The following GRIN2A variants were observed in gnomAD, a reference collection of about 807,000 sequenced individuals.
GRIN2A encodes glutamate receptor ionotropic, NMDA 2A.
GRIN2A carries 22 observed loss-of-function variants against 113.4 expected under a neutral mutation model. The observed-to-expected ratio is 0.19, with a 90% CI of 0.14 to 0.28. The LOEUF is 0.28. GRIN2A is among the 10% of genes least tolerant of loss of function. GRIN2A has a pLI of 1.00. For synonymous variants in GRIN2A, 827 were observed against 738.4 expected (o/e 1.12, Z -1.94); for missense variants, 1,502 against 1,887.0 (o/e 0.80, Z 3.78).
At chr16:10,109,093 G>T (rs927169931) in intron 2 of GRIN2A, among the ~76,000 whole-genome samples, 3 of 147,008 alleles carry the variant, frequency 2.0e-5, no homozygotes, top group Non-Finnish European at 4.5e-5. Flanking sequence ...CAGAAATAAA[G>T]TCTGGTGCAT....
At chr16:9,824,776 A>G (rs1437441328) in intron 9 of GRIN2A, among the ~76,000 whole-genome samples, 1 of 152,120 alleles carries the variant, frequency 6.6e-6, no homozygotes, top group Admixed American at 6.6e-5. Flanking sequence ...CTCTGAGGTT[A>G]TCCATTATGT....
chr16:10,085,819 G>A (rs1233025235), intron 2 of GRIN2A, among the ~76,000 whole-genome samples: 1 of 152,196 alleles, frequency 6.6e-6, no homozygotes, highest in Non-Finnish European at 1.5e-5. Flanking sequence ...GATCCCCCTG[G>A]CCAAGAAGGG....
chr16:10,105,268 A>G (rs2048475784), intron 2 of GRIN2A, among the ~76,000 whole-genome samples: 1 of 152,154 alleles, frequency 6.6e-6, no homozygotes, highest in Non-Finnish European at 1.5e-5. Context: ...CCCAAAGAGG[A>G]AAATCCTTGC....
intron 2 of GRIN2A, among the ~76,000 whole-genome samples, chr16:10,149,104 G>C (rs763213811): frequency 6.6e-6 from 1 of 152,240 alleles, no homozygotes; most frequent in East Asian, 1.9e-4. Flanking sequence ...CAGGGAATAG[G>C]GATGGTTAAT....
intron 2 of GRIN2A, among the ~76,000 whole-genome samples, chr16:9,996,024 CAAAAAAAAAAAAAAA>C (rs57133009): frequency 3.3e-4 from 17 of 51,144 alleles, no homozygotes; most frequent in East Asian, 6.5e-4. Context: ...CAGAGGGTGG[CAAAAAAAAAAAAAAA>C]AAAAAAAAAA....
chr16:9,848,659 A>G (rs2141366060), intron 5 of GRIN2A, among the ~76,000 whole-genome samples: 1 of 146,046 alleles, frequency 6.8e-6, no homozygotes, highest in East Asian at 2.0e-4. Flanking sequence ...TATATTTAAT[A>G]CATAAAATAT....
At chr16:9,795,683 A>G (rs1219342300) in intron 11 of GRIN2A, among the ~76,000 whole-genome samples, 2 of 152,148 alleles carry the variant, frequency 1.3e-5, no homozygotes, top group African/African-American at 2.4e-5. Context: ...TGCACTTTAC[A>G]TGTATTCTCC....
chr16:10,080,528 C>CAGGCTAGGCTATTCTTGGA (rs2047958157), intron 2 of GRIN2A, among the ~76,000 whole-genome samples: 1 of 152,170 alleles, frequency 6.6e-6, no homozygotes, highest in Admixed American at 6.5e-5. Flanking sequence ...TTGGATCCCT[C>CAGGCTAGGCTATTCTTGGA]AGGCTAGGCT....
chr16:9,769,041 T>C lies in GRIN2A; in HGVS notation c.2405A>G (p.Asn802Ser), dbSNP rs1257824288. Residue 802 changes from asparagine (N) to serine (S), a missense_variant, in exon 12 of 13, where the codon AAC (asparagine) becomes AGC (serine). By Grantham distance (46) the Asn-to-Ser change is conservative. This residue lies in a region of GRIN2A where 101 missense variants were observed against 240.4 expected (regional missense o/e 0.42). Coordinates refer to ENST00000330684, the MANE Select transcript of GRIN2A (RefSeq NM_001134407.3). ...ETLWLTGICH[N>S]EKNEVMSSQL... Reference sequence around the variant, plus strand: ...GCTGCTCATCACCTCGTTCTTCTCGTTGTGGCAGATCCCAGTGAGCCACAG... The same window carrying C: ...GCTGCTCATCACCTCGTTCTTCTCGCTGTGGCAGATCCCAGTGAGCCACAG... The C allele has an allele frequency of 1.9e-6, 3 of 1,614,080 alleles. No individual in the cohort carries two copies. Among genetic ancestry groups the C allele is most frequent in the Non-Finnish European group, 1.7e-6 (2 of 1,180,032 alleles).
intron 10 of GRIN2A, 41 bp downstream of exon 10, chr16:9,822,223 C>T (rs748610465): frequency 1.3e-5 from 21 of 1,604,072 alleles, no homozygotes; most frequent in African/African-American, 6.7e-5. Context: ...TAAGGTTTAT[C>T]GCTCGCAGAC....
chr16:10,067,128 C>T (rs1280648677), intron 2 of GRIN2A, among the ~76,000 whole-genome samples: 1 of 152,182 alleles, frequency 6.6e-6, no homozygotes, highest in Admixed American at 6.5e-5. Flanking sequence ...CTGTTTCTTT[C>T]TCCTCTTTTC....
chr16:9,960,143 C>T (rs1456535867), intron 2 of GRIN2A, among the ~76,000 whole-genome samples: 1 of 152,130 alleles, frequency 6.6e-6, no homozygotes, highest in African/African-American at 2.4e-5. Flanking sequence ...AAAAAATGAG[C>T]TTTGCATATA....
chr16:10,117,511 T>C (rs2048749084), intron 2 of GRIN2A, among the ~76,000 whole-genome samples: 1 of 56,452 alleles, frequency 1.8e-5, no homozygotes. Flanking sequence ...AAAATCATCA[T>C]AATAAAAAGT....
intron 2 of GRIN2A, among the ~76,000 whole-genome samples, chr16:10,041,334 G>C (rs1358488535): frequency 6.6e-6 from 1 of 152,060 alleles, no homozygotes; most frequent in Non-Finnish European, 1.5e-5. Context: ...TATTGGGTGG[G>C]GTGTGGGCTT....
intron 2 of GRIN2A, among the ~76,000 whole-genome samples, chr16:10,039,789 AGGGGGAGGGGGAG>A (rs763192305): frequency 4.2e-4 from 3 of 7,190 alleles, no homozygotes; most frequent in African/African-American, 6.1e-4. Flanking sequence ...GGGGAGGGGG[AGGGGGAGGGGGAG>A]GGGGGGGAGA....
In GRIN2A at chr16:10,114,481, C is replaced by T. The variant is rs115485936; in HGVS notation, c.414+65517G>A. Among the ~76,000 whole-genome samples the T allele has an allele frequency of 3.3e-3, 505 of 152,278 alleles. 4 individuals are homozygous for T. Among genetic ancestry groups the T allele is most frequent in the African/African-American group, 0.012 (486 of 41,548 alleles). ...CCAGTCGCCCACAGAAGAATCATAACCTTTCAAAGCAGATTGTGTAAACAC... is the reference window on the plus strand; with the variant it reads ...CCAGTCGCCCACAGAAGAATCATAATCTTTCAAAGCAGATTGTGTAAACAC... On this transcript the variant is annotated intron_variant, in intron 2 of 12. Coordinates refer to ENST00000330684, the MANE Select transcript of GRIN2A (RefSeq NM_001134407.3).
chr16:9,834,713 C>T (rs1318892009), intron 7 of GRIN2A, among the ~76,000 whole-genome samples: 1 of 152,138 alleles, frequency 6.6e-6, no homozygotes, highest in Non-Finnish European at 1.5e-5. Context: ...CATTTTAAAT[C>T]ATTCTTTATT....
intron 2 of GRIN2A, among the ~76,000 whole-genome samples, chr16:10,120,043 T>C (rs1309808263): frequency 6.6e-6 from 1 of 152,238 alleles, no homozygotes; most frequent in African/African-American, 2.4e-5. Flanking sequence ...GCAGAATACA[T>C]ATGTATGCAT....
At chr16:9,935,464 A>G (rs1485245182) in intron 3 of GRIN2A, among the ~76,000 whole-genome samples, 2 of 149,618 alleles carry the variant, frequency 1.3e-5, no homozygotes, top group Non-Finnish European at 1.5e-5. Flanking sequence ...TTCAAGGTTC[A>G]TTTTTCAGAT....
Sources: allele counts gnomAD v4.1 joint callset (sites outside exome capture counted in the v4.1 genomes callset), GRCh38; gene constraint gnomAD v4.1.1; regional missense constraint gnomAD v4.1.1; transcripts MANE v1.5; gene names NCBI Gene and HGNC (gene_info 2026-07-23, HGNC 2026-07-21).